Variants in DMD observed in about 807,000 individuals in gnomAD.
DMD encodes dystrophin, also known as mutant dystrophin.
In DMD, 63 loss-of-function variants were observed where a neutral mutation model predicts 330.1. The ratio of observed to expected loss-of-function variants is 0.19; its 90% CI spans 0.16 to 0.24. DMD has a LOEUF of 0.24. DMD is among the 10% of genes least tolerant of loss of function. DMD has a pLI of 1.00. For synonymous variants in DMD, 1,223 were observed against 959.8 expected (o/e 1.27, Z -5.07); for missense variants, 3,344 against 2,684.1 (o/e 1.25, Z -5.43).
intron 57 of DMD, among the ~76,000 whole-genome samples, chrX:31,484,186 T>C (rs898451105): frequency 1.2e-3 from 133 of 111,620 alleles, no homozygotes; most frequent in African/African-American, 4.1e-3. Flanking sequence ...TTGATAAGTG[T>C]CTTGTCTCCC....
In DMD at chrX:32,532,368, T is replaced by A. The variant is rs757766806; in HGVS notation, c.2168+12791A>T. 2.7e-5 allele frequency among the ~76,000 whole-genome samples: 3 copies of A among 111,942 alleles called. No individual in the cohort carries two copies. The East Asian group carries it at 8.4e-4, about 31-fold the overall frequency. On this transcript the variant is annotated intron_variant, in intron 17 of 78. Transcript: ENST00000357033. ...ATTCTTAAGGAGTCCCAGTCAAGCA[T>A]TTTATTTCAGCTAAATAATTTGATG...
intron 30 of DMD, among the ~76,000 whole-genome samples, chrX:32,392,724 G>T (rs1289044696): frequency 8.9e-6 from 1 of 112,599 alleles, no homozygotes; most frequent in East Asian, 2.8e-4. Context: ...TGCCAGTTAT[G>T]GCAAAAGTCC....
intron 28 of DMD, among the ~76,000 whole-genome samples, chrX:32,439,124 A>G (rs1294245030): frequency 1.8e-5 from 2 of 111,867 alleles, no homozygotes; most frequent in Non-Finnish European, 3.8e-5. Flanking sequence ...CAAGGGATTC[A>G]ATTTCATCTT....
At chrX:32,089,097 A>T (rs1237365925) in intron 44 of DMD, among the ~76,000 whole-genome samples, 1 of 111,393 alleles carries the variant, frequency 9.0e-6, no homozygotes, top group Non-Finnish European at 1.9e-5. Context: ...CTCCTTTTGA[A>T]GTAAAGTTCT....
intron 18 of DMD, among the ~76,000 whole-genome samples, chrX:32,513,101 G>T (rs1035972844): frequency 4.5e-5 from 5 of 111,969 alleles, no homozygotes; most frequent in African/African-American, 1.6e-4. Context: ...AAGTGGTCTT[G>T]CTTTTATCTT....
At chrX:33,268,285 C>T (rs1265283618) in intron 1 of DMD, among the ~76,000 whole-genome samples, 5 of 110,719 alleles carry the variant, frequency 4.5e-5, no homozygotes, top group East Asian at 2.8e-4. Flanking sequence ...GCACTGCGCC[C>T]GGCCGGCAAA....
At chrX:32,725,272 C>A (rs1213426488) in intron 7 of DMD, among the ~76,000 whole-genome samples, 1 of 110,587 alleles carries the variant, frequency 9.0e-6, no homozygotes, top group Non-Finnish European at 1.9e-5. Context: ...CATTCTCTGC[C>A]TCTCATATCA....
intron 43 of DMD, among the ~76,000 whole-genome samples, chrX:32,251,768 A>C (rs972854329): frequency 1.8e-5 from 2 of 111,259 alleles, no homozygotes; most frequent in Non-Finnish European, 3.8e-5. Flanking sequence ...CCAGTAATCC[A>C]AGATCAGCCT....
chrX:31,522,361 CTCTATA>C (rs1327687575), intron 55 of DMD, among the ~76,000 whole-genome samples: 3 of 50,230 alleles, frequency 6.0e-5, no homozygotes, highest in Admixed American at 2.5e-4. Flanking sequence ...CTCTCTCTCT[CTCTATA>C]TATATATATA....
At chrX:32,620,314 G>A (rs777770308) in intron 11 of DMD, among the ~76,000 whole-genome samples, 2 of 111,710 alleles carry the variant, frequency 1.8e-5, no homozygotes, top group East Asian at 5.7e-4. Context: ...GGAAACAGGG[G>A]AAGTAAACCA....
intron 55 of DMD, among the ~76,000 whole-genome samples, chrX:31,538,128 A>C: frequency 8.9e-6 from 1 of 111,795 alleles, no homozygotes; most frequent in East Asian, 2.8e-4. Flanking sequence ...TGCTTGTATG[A>C]TGGAATCTGG....
At chrX:32,803,972 G>A (rs2076773867) in intron 7 of DMD, among the ~76,000 whole-genome samples, 2 of 112,086 alleles carry the variant, frequency 1.8e-5, no homozygotes, top group African/African-American at 6.5e-5. Context: ...TATTAGGTCT[G>A]CTTGGTCCAG....
intron 2 of DMD, among the ~76,000 whole-genome samples, chrX:32,978,583 C>T (rs1366162252): frequency 1.8e-5 from 2 of 111,820 alleles, no homozygotes; most frequent in Admixed American, 9.5e-5. Context: ...GATTCCCCCA[C>T]CTCAGCCTCC....
chrX:32,733,746 T>C (rs1305699322), intron 7 of DMD, among the ~76,000 whole-genome samples: 12 of 107,250 alleles, frequency 1.1e-4, no homozygotes, highest in Non-Finnish European at 3.9e-5. Context: ...CCAGAATCTC[T>C]GGGACACATT....
chrX:32,573,709 G>A (rs1370064160), intron 14 of DMD, 36 bp downstream of exon 14: 24 of 1,190,217 alleles, frequency 2.0e-5, no homozygotes, highest in South Asian at 3.6e-5. Flanking sequence ...ATATCCCCCC[G>A]TGTCTTTTAC....
intron 55 of DMD, among the ~76,000 whole-genome samples, chrX:31,576,090 C>T (rs2076084706): frequency 8.9e-6 from 1 of 111,840 alleles, no homozygotes; most frequent in Non-Finnish European, 1.9e-5. Flanking sequence ...TCTCACGCAC[C>T]TTTTACCCAG....
intron 60 of DMD, among the ~76,000 whole-genome samples, chrX:31,443,542 C>T (rs895707560): frequency 1.1e-4 from 12 of 107,130 alleles, no homozygotes; most frequent in African/African-American, 4.3e-4. Flanking sequence ...ATTTTATTAT[C>T]GCATTTTTTT....
In DMD at chrX:32,753,331, T is replaced by A. The variant is rs1407478636; in HGVS notation, c.650-54038A>T. Among the ~76,000 whole-genome samples the A allele has an allele frequency of 2.7e-5, 3 of 112,509 alleles. No homozygotes were observed. The Admixed American group carries it at 2.8e-4, about 11-fold the overall frequency. Reference sequence around the variant, plus strand: ...ATTCCAAGACATGAGCCTTTTCTTATGTCTTCAATAAATTCATTCAGGCCT... The same window carrying A: ...ATTCCAAGACATGAGCCTTTTCTTAAGTCTTCAATAAATTCATTCAGGCCT... On this transcript the variant is annotated intron_variant, in intron 7 of 78. Coordinates refer to ENST00000357033, the MANE Select transcript of DMD (RefSeq NM_004006.3).
chrX:32,252,677 A>AATATATATAAATATATATATAAAT (rs766322442), intron 43 of DMD, among the ~76,000 whole-genome samples: 11,633 of 33,404 alleles, frequency 0.35, 2,510 homozygotes, highest in Non-Finnish European at 0.38. Context: ...TATATATATA[A>AATATATATAAATATATATATAAAT]ATATATAAAT....
Sources: allele counts gnomAD v4.1 joint callset (sites outside exome capture counted in the v4.1 genomes callset), GRCh38; gene constraint gnomAD v4.1.1; transcripts MANE v1.5; gene names NCBI Gene and HGNC (gene_info 2026-07-23, HGNC 2026-07-21).